The following ARAP2 variants were observed in gnomAD, a reference collection of about 807,000 sequenced individuals.
ARAP2 encodes arf-GAP with Rho-GAP domain, ANK repeat and PH domain-containing protein 2.
A neutral mutation model predicts 194.5 loss-of-function variants in ARAP2; 148 were observed. That is an observed-to-expected ratio of 0.76 (90% CI 0.67 to 0.87). The LOEUF is 0.87. Among genes scored for constraint, ARAP2 ranks in the 40% least tolerant of loss-of-function variants. The pLI, the probability that ARAP2 is intolerant of heterozygous loss-of-function variation, is 0.00. For synonymous variants in ARAP2, 695 were observed against 683.5 expected (o/e 1.02, Z -0.26); for missense variants, 2,128 against 1,989.7 (o/e 1.07, Z -1.32).
intron 30 of ARAP2, among the ~76,000 whole-genome samples, chr4:36,080,907 T>G (rs1198851204): frequency 6.6e-6 from 1 of 151,902 alleles, no homozygotes; most frequent in Non-Finnish European, 1.5e-5. Flanking sequence ...AAAGCAAAAA[T>G]AAAACTGAGT....
chr4:36,196,511 G>T (rs909029079), intron 6 of ARAP2, among the ~76,000 whole-genome samples: 4 of 151,988 alleles, frequency 2.6e-5, no homozygotes, highest in African/African-American at 9.7e-5. Context: ...TTTTTCAACT[G>T]CCAGGTGACT....
Position 36,212,364 on chromosome 4 carries a change from ATAGT to A in ARAP2, c.1133+28_1133+31del, listed in dbSNP as rs758580996. On this transcript the variant is annotated intron_variant, in intron 5 of 32. Transcript: ENST00000303965. ...AACATTGTATAACAGTTTATTCTAAATAGTTAATCATCATCAATCATGATCTCAT... is the reference window on the plus strand; with the variant it reads ...AACATTGTATAACAGTTTATTCTAAATAATCATCATCAATCATGATCTCAT... The A allele has an allele frequency of 4.7e-5, 70 of 1,505,046 alleles. No homozygotes were observed. The African/African-American group carries it at 8.6e-4, about 18-fold the overall frequency. 93.2% of individuals were successfully genotyped at this position (1,505,046 alleles called of 1,614,324 possible).
Position 36,067,265 on chromosome 4 carries a change from T to C in ARAP2, c.*642A>G, listed in dbSNP as rs1404776479. On this transcript the variant is annotated 3_prime_UTR_variant, in exon 33 of 33. Coordinates refer to ENST00000303965, the MANE Select transcript of ARAP2 (RefSeq NM_015230.4). ...AATATTACTCTTGAGAAATAAACAC[T>C]GGACTTTTTCTTAACAAGTGGTTTC... is the stretch of plus-strand genomic sequence containing the variant. 6.5e-6 allele frequency: 1 copy of C among 152,762 alleles called. No individual in the cohort carries two copies. The highest frequency in any genetic ancestry group is 1.9e-4 in the East Asian group (1 of 5,192). The allele number at this position is 152,762 out of a possible 1,614,324, so 9.5% of individuals were successfully genotyped here.
In ARAP2 at chr4:36,158,785, T is replaced by C. The variant is rs1242353054; in HGVS notation, c.2697A>G (p.Leu899=). ...TAGAAGCAGCAGAAGGAGCTTGATA[T>C]AAAAAGTCACAGAGGAATGTGGACT... The part of the protein sequence containing the change: ...SSQSTFLCDF[L]YQAPSAASKL... Residue 899 remains leucine (L), a synonymous_variant, in exon 15 of 33, where the codon TTA becomes TTG. Coordinates refer to ENST00000303965, the MANE Select transcript of ARAP2 (RefSeq NM_015230.4). The C allele has an allele frequency of 1.9e-6, 3 of 1,612,334 alleles. No homozygotes were observed. The highest frequency in any genetic ancestry group is 1.7e-6 in the Non-Finnish European group (2 of 1,179,352).
At chr4:36,167,347 G>T (rs1334415673) in intron 9 of ARAP2, among the ~76,000 whole-genome samples, 3 of 152,026 alleles carry the variant, frequency 2.0e-5, no homozygotes, top group Non-Finnish European at 4.4e-5. Flanking sequence ...ATTCATTAAA[G>T]GAAGCTAAAT....
At chr4:36,071,308 G>C (rs1326097220) in intron 32 of ARAP2, among the ~76,000 whole-genome samples, 2 of 152,138 alleles carry the variant, frequency 1.3e-5, no homozygotes, top group Non-Finnish European at 2.9e-5. Flanking sequence ...AAGCAGCTTA[G>C]AACGATGGCG....
chr4:36,013,759 CA>C (rs755949896), intron 8 of ARAP2, among the ~76,000 whole-genome samples: 4 of 152,076 alleles, frequency 2.6e-5, no homozygotes, highest in Admixed American at 1.3e-4. Context: ...TGGACAACAC[CA>C]ATTCTGATAA....
Position 36,229,353 on chromosome 4 carries a change from A to G in ARAP2, c.134T>C (p.Leu45Pro). The G allele has an allele frequency of 6.2e-7, 1 of 1,614,118 alleles. No homozygotes were observed. ...AGGTGATATTCCAATTTTCTGCAGC[A>G]GGCTGTCATTTATTGCTGCACAGTC... ...VKDCAAINDS[L>P]LQKIGISPTG... The change falls in exon 2 of 33, where the codon CTG becomes CCG. Residue 45 changes from leucine (L) to proline (P), a missense_variant. Transcript: ENST00000303965.
At chr4:36,129,751 C>T (rs916004869) in intron 20 of ARAP2, among the ~76,000 whole-genome samples, 16 of 151,960 alleles carry the variant, frequency 1.1e-4, no homozygotes, top group African/African-American at 3.9e-4. Flanking sequence ...AACCTCATCA[C>T]TTCTACATAA....
At position 36,218,425 on chromosome 4, in the gene ARAP2, C is replaced by T. The variant is rs992919897; in HGVS notation, c.906-3945G>A. On this transcript the variant is annotated intron_variant, in intron 2 of 32. Coordinates refer to ENST00000303965, the MANE Select transcript of ARAP2 (RefSeq NM_015230.4). ...TATATAACAACCCAGCACATGTACC[C>T]TAAAACTAAAATATTAAAAAAAAAA... is the stretch of plus-strand genomic sequence containing the variant. Among the ~76,000 whole-genome samples, 3 of 151,962 alleles carry T rather than the reference C, an allele frequency of 2.0e-5. No individual in the cohort carries two copies. The East Asian group carries it at 5.8e-4, about 29-fold the overall frequency.
intron 23 of ARAP2, 65 bp downstream of exon 23, chr4:36,121,113 TA>T: frequency 8.1e-7 from 1 of 1,239,742 alleles, no homozygotes; most frequent in Non-Finnish European, 1.1e-6. Flanking sequence ...CCCTACAACA[TA>T]AATATTTGTT....
rs1725571711 is a variant in ARAP2, at chr4:36,066,808, C to T, written c.*1099G>A. Reference sequence around the variant, plus strand: ...CTTTACTTAAAAAAAGAAAAAAAAACCTAGATTAAATGTGACCAGGTAGCC... The same window carrying T: ...CTTTACTTAAAAAAAGAAAAAAAAATCTAGATTAAATGTGACCAGGTAGCC... On this transcript the variant is annotated 3_prime_UTR_variant, in exon 33 of 33. Transcript: ENST00000303965. 1 of 151,678 alleles carries T rather than the reference C, an allele frequency of 6.6e-6. No individual in the cohort carries two copies. The highest frequency in any genetic ancestry group is 6.6e-5 in the Admixed American group (1 of 15,242). The allele number at this position is 151,678 out of a possible 1,614,324, so 9.4% of individuals were successfully genotyped here. A position where few individuals can be genotyped will look rare whatever the true frequency, so the allele number is the denominator to read the frequency against.
chr4:36,040,131 G>A (rs1720600660), intron 5 of ARAP2, among the ~76,000 whole-genome samples: 3 of 152,116 alleles, frequency 2.0e-5, no homozygotes, highest in Non-Finnish European at 4.4e-5. Context: ...GTCATTTTTA[G>A]CATTTGCAAG....
At chr4:36,035,266 T>C (rs1701839791) in intron 5 of ARAP2, among the ~76,000 whole-genome samples, 1 of 152,186 alleles carries the variant, frequency 6.6e-6, no homozygotes, top group Admixed American at 6.5e-5. Flanking sequence ...GAGCTTGTTA[T>C]CAGTCTGTTC....
At chr4:36,194,667 G>A (rs1273068517) in intron 6 of ARAP2, among the ~76,000 whole-genome samples, 1 of 152,126 alleles carries the variant, frequency 6.6e-6, no homozygotes, top group Non-Finnish European at 1.5e-5. Context: ...AACACAGCAA[G>A]CCTCCCAAAT....
chr4:36,142,797 A>C lies in ARAP2; in HGVS notation c.3263+4499T>G, dbSNP rs73809131. ...TCCAACACAGGACTTCTTCCTTTTT[A>C]TTTCCACAGAATCACCCTAAGTAAT... On this transcript the variant is annotated intron_variant, in intron 19 of 32. Transcript: ENST00000303965. Among the ~76,000 whole-genome samples the C allele has an allele frequency of 6.3e-3, 957 of 151,764 alleles. 11 individuals are homozygous for C. Among genetic ancestry groups the C allele is most frequent in the African/African-American group, 0.022 (906 of 41,472 alleles).
chr4:36,068,266 C>T lies in ARAP2; in HGVS notation c.4756G>A (p.Glu1586Lys). The change falls in exon 33 of 33, where the codon GAA becomes AAA. Residue 1586 changes from glutamate to lysine, a missense_variant. Physicochemically the swap from Glu to Lys is moderately conservative, Grantham distance 56 (BLOSUM62 1). Transcript: ENST00000303965. The part of the protein sequence containing the change: ...ARKNIESARA[E>K]LERLRLSEKC... ...TCACTGAGCCGCAGCCTTTCAAGTT[C>T]TGCTCTTGCACTCTAAAAATAAAAT... The T allele has an allele frequency of 6.4e-7, 1 of 1,551,398 alleles. No homozygotes were observed. Among genetic ancestry groups the T allele is most frequent in the Admixed American group, 2.1e-5 (1 of 48,378 alleles).
chr4:36,020,412 C>T (rs531655457), intron 5 of ARAP2, among the ~76,000 whole-genome samples: 2 of 151,994 alleles, frequency 1.3e-5, no homozygotes, highest in African/African-American at 2.4e-5. Context: ...ACAAGGCCCC[C>T]GCCCCCACCT....
intron 22 of ARAP2, among the ~76,000 whole-genome samples, chr4:36,122,465 C>G (rs752203434): frequency 3.3e-5 from 5 of 151,768 alleles, no homozygotes; most frequent in Non-Finnish European, 7.4e-5. Context: ...TCCTTTGCAG[C>G]AACATGGATG....
Sources: allele counts gnomAD v4.1 joint callset (sites outside exome capture counted in the v4.1 genomes callset), GRCh38; gene constraint gnomAD v4.1.1; transcripts MANE v1.5; gene names NCBI Gene and HGNC (gene_info 2026-07-23, HGNC 2026-07-21).